Variants in MED24 observed in about 807,000 individuals in gnomAD.
MED24 encodes the protein mediator complex subunit 24.
MED24 carries 74 observed loss-of-function variants against 118.8 expected under a neutral mutation model. The observed-to-expected ratio is 0.62, with a 90% CI of 0.52 to 0.76. The LOEUF (loss-of-function observed/expected upper bound fraction) is 0.76. MED24 is among the 30% of genes least tolerant of loss of function. The pLI is 0.00. For missense variants in MED24, 1,041 were observed against 1,278.9 expected (o/e 0.81, Z 2.84); for synonymous variants, 521 against 523.9 (o/e 0.99, Z 0.08).
At chr17:40,025,067 A>G (rs1171747439) in intron 19 of MED24, among the ~76,000 whole-genome samples, 1 of 152,200 alleles carries the variant, frequency 6.6e-6, no homozygotes, top group East Asian at 1.9e-4. Flanking sequence ...CTTAAAAAGG[A>G]AGGAATTCCT....
At chr17:40,021,736 C>G (rs1982039175) in intron 23 of MED24, among the ~76,000 whole-genome samples, 1 of 152,202 alleles carries the variant, frequency 6.6e-6, no homozygotes. Flanking sequence ...TGGGCTGGAC[C>G]TGGGCAGAGG....
At chr17:40,045,518 A>G (rs1340630805) in intron 3 of MED24, among the ~76,000 whole-genome samples, 1 of 149,830 alleles carries the variant, frequency 6.7e-6, no homozygotes, top group Non-Finnish European at 1.5e-5. Flanking sequence ...GGTGAGCTCC[A>G]TGGCTCACGC....
chr17:40,034,685 G>GAGT (rs1983743718), intron 6 of MED24, among the ~76,000 whole-genome samples: 1 of 152,200 alleles, frequency 6.6e-6, no homozygotes, highest in Admixed American at 6.5e-5. Flanking sequence ...TCAAATACAA[G>GAGT]AGTCATCTGC....
intron 3 of MED24, among the ~76,000 whole-genome samples, chr17:40,046,088 T>A (rs1300186214): frequency 7.9e-4 from 103 of 130,246 alleles, no homozygotes; most frequent in African/African-American, 2.2e-3. Context: ...CTAAAAAAAA[T>A]TTTTTTTTTT....
At chr17:40,028,713 C>T in intron 14 of MED24, 113 bp downstream of exon 14, 1 of 1,443,688 alleles carries the variant, frequency 6.9e-7, no homozygotes, top group Non-Finnish European at 9.4e-7. Context: ...CTGCCTAGGC[C>T]CGTGGGTCTC....
At chr17:40,046,856 T>C (rs1280335640) in intron 3 of MED24, among the ~76,000 whole-genome samples, 1 of 152,010 alleles carries the variant, frequency 6.6e-6, no homozygotes, top group Non-Finnish European at 1.5e-5. Context: ...AGGAGTTTGA[T>C]ACCAGCCTGG....
intron 3 of MED24, among the ~76,000 whole-genome samples, chr17:40,052,440 T>C (rs536601396): frequency 8.7e-4 from 132 of 152,336 alleles, no homozygotes; most frequent in African/African-American, 3.0e-3. Context: ...ATCTAGTGAC[T>C]GCTTATTTAC....
chr17:40,037,211 A>AGAGG (rs1479004649), intron 3 of MED24, among the ~76,000 whole-genome samples: 1 of 144,570 alleles, frequency 6.9e-6, no homozygotes, highest in Non-Finnish European at 1.5e-5. Flanking sequence ...AGAGAGAGAA[A>AGAGG]GAGGGAAGGA....
chr17:40,035,500 C>G, intron 5 of MED24, 151 bp from the exon 6 acceptor site: 1 of 982,312 alleles, frequency 1.0e-6, no homozygotes, highest in Non-Finnish European at 1.5e-6. Flanking sequence ...GCCCCTTTGG[C>G]TCCTACTGGA....
intron 3 of MED24, among the ~76,000 whole-genome samples, chr17:40,049,926 G>A (rs1985642139): frequency 6.6e-6 from 1 of 150,628 alleles, no homozygotes; most frequent in Admixed American, 6.6e-5. Context: ...GAGGCAGATG[G>A]ATCACTTGAG....
chr17:40,037,920 A>T (rs1437900842), intron 3 of MED24, among the ~76,000 whole-genome samples: 1 of 152,086 alleles, frequency 6.6e-6, no homozygotes, highest in Non-Finnish European at 1.5e-5. Flanking sequence ...CAAAAAAAAA[A>T]AAAAAGAAAT....
intron 12 of MED24, 21 bp from the exon 13 acceptor site, chr17:40,029,880 C>T (rs1983160655): frequency 1.2e-6 from 2 of 1,606,988 alleles, no homozygotes; most frequent in South Asian, 1.1e-5. Flanking sequence ...CACCAGTTGG[C>T]CAAGGAAGGG....
chr17:40,046,134 G>A (rs1194272861), intron 3 of MED24, among the ~76,000 whole-genome samples: 1 of 145,386 alleles, frequency 6.9e-6, no homozygotes, highest in Non-Finnish European at 1.5e-5. Flanking sequence ...GCCCAGGCTG[G>A]AGCGCAGTGG....
At chr17:40,023,811 C>A (rs1486251539) in intron 19 of MED24, among the ~76,000 whole-genome samples, 1 of 152,232 alleles carries the variant, frequency 6.6e-6, no homozygotes, top group African/African-American at 2.4e-5. Flanking sequence ...GTAAACTGTT[C>A]CTTCCAGGAG....
At chr17:40,020,171 C>T (rs1981788022) in intron 24 of MED24, 102 bp downstream of exon 24, 1 of 1,211,998 alleles carries the variant, frequency 8.3e-7, no homozygotes, top group Admixed American at 2.5e-5. Context: ...AAGGGAGGGG[C>T]ACCGCAAGGC....
chr17:40,022,021 G>GCA lies in MED24; in HGVS notation c.2555_2556dup (p.Gln853CysfsTer6). The GCA allele has an allele frequency of 6.2e-7, 1 of 1,611,530 alleles. No individual in the cohort carries two copies. The highest frequency in any genetic ancestry group is 8.5e-7 in the Non-Finnish European group (1 of 1,178,746). ...AGCAGTCGCATCAACTTCGAAGGCT[G>GCA]CACATCGTCCAGGGGGAAGAGGCTG... On this transcript the variant is annotated frameshift_variant, in exon 23 of 26. Transcript: ENST00000394128. LOFTEE classifies it high-confidence loss of function.
chr17:40,045,292 T>TA (rs1191873677), intron 3 of MED24, among the ~76,000 whole-genome samples: 1 of 151,064 alleles, frequency 6.6e-6, no homozygotes, highest in Non-Finnish European at 1.5e-5. Context: ...CTACTAAAAA[T>TA]AAAAAAATGG....
intron 3 of MED24, among the ~76,000 whole-genome samples, chr17:40,045,706 G>T (rs1030430263): frequency 3.3e-5 from 5 of 151,984 alleles, no homozygotes; most frequent in Non-Finnish European, 7.4e-5. Flanking sequence ...AGCCAAGGAG[G>T]TCAAAGCTGC....
Position 40,020,282 on chromosome 17 carries a change from G to A in MED24, c.2695C>T (p.Arg899Ter), listed in dbSNP as rs1168375950. 16 of 1,545,452 alleles carry A rather than the reference G, an allele frequency of 1.0e-5. No homozygotes were observed. Among genetic ancestry groups the A allele is most frequent in the African/African-American group, 4.1e-5 (3 of 73,530 alleles). ...GGGGTGGGGAACTCACCCAGGACTC[G>A]GTTCAGAGGGTCCCGCATGTTGACC... ...HTVNMRDPLN[R>*]VLANLFLLIS... The change falls in exon 24 of 26, where the codon CGA becomes TGA. Residue 899 changes from arginine (R) to a stop codon, truncating the protein, a stop_gained. Coordinates refer to ENST00000394128, the MANE Select transcript of MED24 (RefSeq NM_014815.4). LOFTEE classifies it high-confidence loss of function.
Sources: gnomAD v4.1 joint callset for allele counts (sites outside exome capture counted in the v4.1 genomes callset) on GRCh38, gnomAD v4.1.1 for gene constraint, MANE v1.5 for transcripts, NCBI Gene and HGNC (gene_info 2026-07-23, HGNC 2026-07-21) for gene names.